The following ITPRID1 variants were observed in gnomAD, a reference collection of about 807,000 sequenced individuals.
ITPRID1 encodes the protein protein ITPRID1.
ITPRID1 carries 96 observed loss-of-function variants against 95.4 expected under a neutral mutation model. The observed-to-expected ratio is 1.01, with a 90% CI of 0.85 to 1.19. The LOEUF is 1.19. Ranked by LOEUF, ITPRID1 falls within the 50% of genes most tolerant of loss-of-function variation. The pLI, the probability that ITPRID1 is intolerant of heterozygous loss-of-function variation, is 0.00. For missense variants in ITPRID1, 1,339 were observed against 1,252.9 expected (o/e 1.07, Z -1.04); for synonymous variants, 510 against 453.6 (o/e 1.12, Z -1.58).
chr7:31,611,860 G>A (rs978956091), intron 10 of ITPRID1, among the ~76,000 whole-genome samples: 2 of 151,948 alleles, frequency 1.3e-5, no homozygotes, highest in Admixed American at 6.6e-5. Flanking sequence ...TCCGGAGTTT[G>A]TTGAGCTTTT....
chr7:31,641,631 C>T (rs38393), intron 10 of ITPRID1, among the ~76,000 whole-genome samples: 24,261 of 152,156 alleles, frequency 0.16, 2,372 homozygotes, highest in Non-Finnish European at 0.2. Context: ...CCTGCCCACA[C>T]GTGACTTTGC....
chr7:31,630,321 A>T (rs35941226), intron 10 of ITPRID1, among the ~76,000 whole-genome samples: 5,175 of 151,744 alleles, frequency 0.034, 131 homozygotes, highest in Middle Eastern at 0.058. Context: ...GAACTATGCT[A>T]AGTGTTTTAC....
intron 10 of ITPRID1, among the ~76,000 whole-genome samples, chr7:31,617,864 G>A (rs897923988): frequency 6.6e-6 from 1 of 152,196 alleles, no homozygotes; most frequent in South Asian, 2.1e-4. Context: ...TAAGAAGAGA[G>A]TTACTTTTAT....
At chr7:31,531,511 A>G (rs1783595799) in intron 1 of ITPRID1, among the ~76,000 whole-genome samples, 1 of 152,182 alleles carries the variant, frequency 6.6e-6, no homozygotes, top group South Asian at 2.1e-4. Context: ...GCCACTTTTC[A>G]GGAGATCGTT....
chr7:31,549,997 G>A (rs1784228775), intron 2 of ITPRID1, among the ~76,000 whole-genome samples: 1 of 152,130 alleles, frequency 6.6e-6, no homozygotes, highest in Non-Finnish European at 1.5e-5. Flanking sequence ...CAGTGAAAAG[G>A]AGCATGTATG....
rs199990216 is a variant in ITPRID1 at position 31,639,544 on chromosome 7, T to G, written c.1229-2632T>G. ...CTTTTGTTTGTTTGTTTTTGTTTTT[T>G]TTTTTTTTTTGAGATGGAGTCTCAC... is the stretch of plus-strand genomic sequence containing the variant. On this transcript the variant is annotated intron_variant, in intron 10 of 14. Coordinates refer to ENST00000615280, the MANE Select transcript of ITPRID1 (RefSeq NM_001257967.3). Among the ~76,000 whole-genome samples, 943 of 135,130 alleles carry G rather than the reference T, an allele frequency of 7.0e-3. 20 individuals are homozygous for G. The highest frequency in any genetic ancestry group is 0.038 in the East Asian group (175 of 4,578). The allele number at this position is 135,130 out of a possible 152,430, so 88.7% of individuals were successfully genotyped here.
At position 31,643,510 on chromosome 7, in the gene ITPRID1, TC is replaced by T; in HGVS notation, c.2142del (p.Ser715AlafsTer21). On this transcript the variant is annotated frameshift_variant, in exon 12 of 15. Coordinates refer to ENST00000615280, the MANE Select transcript of ITPRID1 (RefSeq NM_001257967.3). LOFTEE classifies it high-confidence loss of function. ...CAGGTCTGTAATGACCCAGATGTCCTCCAGCCTGGTGTCGGCTGCTCAGAGG... is the reference window on the plus strand; with the variant it reads ...CAGGTCTGTAATGACCCAGATGTCCTCAGCCTGGTGTCGGCTGCTCAGAGG... ...SSRSVMTQMS[S>X]SLVSAAQRAV... is the part of the protein sequence containing the mutation. The T allele has an allele frequency of 6.2e-7, 1 of 1,614,022 alleles. No individual in the cohort carries two copies. The highest frequency in any genetic ancestry group is 1.3e-5 in the African/African-American group (1 of 75,042).
chr7:31,555,713 G>T (rs1001680302), intron 5 of ITPRID1, among the ~76,000 whole-genome samples: 3 of 152,102 alleles, frequency 2.0e-5, no homozygotes, highest in Non-Finnish European at 2.9e-5. Flanking sequence ...ATGGTTAGAT[G>T]AAAAAATTAT....
chr7:31,594,301 T>G (rs181324668), intron 10 of ITPRID1, among the ~76,000 whole-genome samples: 1 of 152,320 alleles, frequency 6.6e-6, no homozygotes, highest in Admixed American at 6.5e-5. Context: ...AGCGTGCATT[T>G]CTCAGAATGT....
chr7:31,653,051 C>T lies in ITPRID1; in HGVS notation c.*222C>T. 2 of 1,160,772 alleles carry T rather than the reference C, an allele frequency of 1.7e-6. No individual in the cohort carries two copies. Among genetic ancestry groups the T allele is most frequent in the South Asian group, 3.8e-5 (2 of 53,120 alleles). The allele number at this position is 1,160,772 out of a possible 1,614,324, so 71.9% of individuals were successfully genotyped here. On this transcript the variant is annotated 3_prime_UTR_variant, in exon 15 of 15. Transcript: ENST00000615280. Reference sequence around the variant, plus strand: ...TAGTATGTGCCTGGCACAGAGTATGCAACAGTGACTAAATAGTATACGGTC... The same window carrying T: ...TAGTATGTGCCTGGCACAGAGTATGTAACAGTGACTAAATAGTATACGGTC...
At chr7:31,556,983 TC>T (rs1299719391) in intron 5 of ITPRID1, among the ~76,000 whole-genome samples, 4 of 151,972 alleles carry the variant, frequency 2.6e-5, no homozygotes, top group Admixed American at 1.3e-4. Context: ...GCTTTGGCAA[TC>T]CTCAGTGTTC....
chr7:31,645,837 C>T lies in ITPRID1; in HGVS notation c.2583+1884C>T, dbSNP rs183857812. ...CATCCTAAAATACAGAGAACAGCCA[C>T]CACAACAATGAATTCTTTGGCCCAA... On this transcript the variant is annotated intron_variant, in intron 12 of 14. Coordinates refer to ENST00000615280, the MANE Select transcript of ITPRID1 (RefSeq NM_001257967.3). Among the ~76,000 whole-genome samples the T allele has an allele frequency of 5.2e-3, 794 of 152,180 alleles. 4 individuals carry two copies. Among genetic ancestry groups the T allele is most frequent in the Non-Finnish European group, 8.2e-3 (557 of 68,016 alleles).
chr7:31,655,948 T>A lies in ITPRID1; in HGVS notation c.*3119T>A. The A allele has an allele frequency of 1.0e-6, 1 of 985,304 alleles. No individual in the cohort carries two copies. The highest frequency in any genetic ancestry group is 1.7e-5 in the African/African-American group (1 of 57,346). The allele number at this position is 985,304 out of a possible 1,614,324, so 61.0% of individuals were successfully genotyped here. ...ACCAGTCTCATTTCCTGCTCATCCC[T>A]CAGATGAATCTCCAATTCTATTCCC... is the stretch of plus-strand genomic sequence containing the variant. On this transcript the variant is annotated 3_prime_UTR_variant, in exon 15 of 15. Coordinates refer to ENST00000615280, the MANE Select transcript of ITPRID1 (RefSeq NM_001257967.3).
At chr7:31,582,292 T>C (rs1257512505) in intron 9 of ITPRID1, among the ~76,000 whole-genome samples, 1 of 152,204 alleles carries the variant, frequency 6.6e-6, no homozygotes, top group Non-Finnish European at 1.5e-5. Flanking sequence ...GAATAAAAAT[T>C]CCACCTTCAA....
At chr7:31,534,642 GTGTC>G (rs899898777) in intron 1 of ITPRID1, among the ~76,000 whole-genome samples, 12 of 151,998 alleles carry the variant, frequency 7.9e-5, no homozygotes, top group Non-Finnish European at 1.3e-4. Flanking sequence ...ACGTCTCTCT[GTGTC>G]TGTCTATTTA....
At chr7:31,588,889 A>C (rs993415526) in intron 10 of ITPRID1, among the ~76,000 whole-genome samples, 2 of 152,220 alleles carry the variant, frequency 1.3e-5, no homozygotes, top group South Asian at 2.1e-4. Flanking sequence ...ATTCCAGCCA[A>C]GTTCCCTGCC....
intron 10 of ITPRID1, among the ~76,000 whole-genome samples, chr7:31,590,066 A>C (rs1562592371): frequency 6.6e-6 from 1 of 152,052 alleles, no homozygotes; most frequent in Admixed American, 6.6e-5. Flanking sequence ...ATATATACAC[A>C]CATATATAGT....
chr7:31,579,690 A>G (rs778783163), intron 9 of ITPRID1, among the ~76,000 whole-genome samples: 2 of 152,244 alleles, frequency 1.3e-5, no homozygotes, highest in Non-Finnish European at 2.9e-5. Flanking sequence ...GCCTATTGGC[A>G]TAGCTGCATC....
Position 31,643,940 on chromosome 7 carries a change from G to A in ITPRID1, c.2570G>A (p.Arg857Lys). Reference protein sequence around the residue: ...TLKALQDTTVRELCSCTVHEM... With the variant: ...TLKALQDTTVKELCSCTVHEM... ...AAAGCCCTTCAGGACACTACAGTGA[G>A]GGAGCTATGTTCCGTAAGTGTTCAC... The change falls in exon 12 of 15, where the codon AGG (arginine) becomes AAG (lysine). Residue 857 changes from arginine to lysine, a missense_variant. Coordinates refer to ENST00000615280, the MANE Select transcript of ITPRID1 (RefSeq NM_001257967.3). 1 of 1,610,868 alleles carries A rather than the reference G, an allele frequency of 6.2e-7. No individual in the cohort carries two copies.
Sources: gnomAD v4.1 joint callset for allele counts (sites outside exome capture counted in the v4.1 genomes callset) on GRCh38, gnomAD v4.1.1 for gene constraint, MANE v1.5 for transcripts, NCBI Gene and HGNC (gene_info 2026-07-23, HGNC 2026-07-21) for gene names.